Variants in CFAP54 observed in about 807,000 individuals in gnomAD.
CFAP54 encodes the protein cilia- and flagella-associated protein 54.
A neutral mutation model predicts 370.4 loss-of-function variants in CFAP54; 290 were observed. That is an observed-to-expected ratio of 0.78 (90% CI 0.71 to 0.86). The LOEUF is 0.86. Among genes scored for constraint, CFAP54 ranks in the 40% least tolerant of loss-of-function variants. The pLI, the probability that CFAP54 is intolerant of heterozygous loss-of-function variation, is 0.00. For synonymous variants in CFAP54, 1,206 were observed against 1,236.5 expected (o/e 0.98, Z 0.52); for missense variants, 3,399 against 3,528.7 (o/e 0.96, Z 0.93).
chr12:96,674,003 GCTCCATAGGGGAGATAA>G (rs1368504350), intron 39 of CFAP54, among the ~76,000 whole-genome samples: 6 of 152,316 alleles, frequency 3.9e-5, no homozygotes, highest in African/African-American at 1.4e-4. Context: ...TGCTTGTTAA[GCTCCATAGGGGAGATAA>G]CTCCATGGAT....
intron 35 of CFAP54, among the ~76,000 whole-genome samples, chr12:96,651,217 A>G (rs577816566): frequency 6.6e-6 from 1 of 152,062 alleles, no homozygotes; most frequent in African/African-American, 2.4e-5. Flanking sequence ...ATGTTTTTAT[A>G]TGTCTACTTT....
At position 96,658,219 on chromosome 12, in the gene CFAP54, A is replaced by T. The variant is rs748431175; in HGVS notation, c.5333A>T (p.Tyr1778Phe). ...TCTTTACCCCTGTCTAGTGAGAGGT[A>T]TACAGAACAAGTGACACCACTTCTG... is the stretch of plus-strand genomic sequence containing the variant. The part of the protein sequence containing the change: ...IQFNTVSHER[Y>F]TEQVTPLLVY... Residue 1778 changes from tyrosine (Y) to phenylalanine (F), a missense_variant, in exon 38 of 68, where the codon TAT (tyrosine) becomes TTT (phenylalanine). Coordinates refer to ENST00000524981, the MANE Select transcript of CFAP54 (RefSeq NM_001306084.2). 6.2e-7 allele frequency: 1 copy of T among 1,614,012 alleles called. No individual in the cohort carries two copies. Among genetic ancestry groups the T allele is most frequent in the East Asian group, 2.2e-5 (1 of 44,872 alleles).
chr12:96,650,750 C>T (rs1256976834), intron 35 of CFAP54, among the ~76,000 whole-genome samples: 1 of 152,106 alleles, frequency 6.6e-6, no homozygotes, highest in Non-Finnish European at 1.5e-5. Context: ...TTCTCATATG[C>T]CCCATGGAGT....
chr12:96,755,332 C>A (rs1291687488), intron 56 of CFAP54, among the ~76,000 whole-genome samples: 3 of 152,124 alleles, frequency 2.0e-5, no homozygotes, highest in Non-Finnish European at 4.4e-5. Context: ...ACTTCACATA[C>A]TTATCATTTT....
chr12:96,572,945 C>G, intron 19 of CFAP54: 1 of 985,334 alleles, frequency 1.0e-6, no homozygotes, highest in Non-Finnish European at 1.2e-6. Flanking sequence ...AGAATTAAGT[C>G]AGAAGGTGCT....
intron 36 of CFAP54, among the ~76,000 whole-genome samples, chr12:96,654,550 A>G (rs1282086354): frequency 6.6e-6 from 1 of 152,008 alleles, no homozygotes; most frequent in Non-Finnish European, 1.5e-5. Context: ...TGTTATATGC[A>G]TACAATGGGT....
chr12:96,558,649 A>G (rs756696244), intron 17 of CFAP54, among the ~76,000 whole-genome samples: 78 of 152,130 alleles, frequency 5.1e-4, no homozygotes, highest in Non-Finnish European at 9.9e-4. Flanking sequence ...TTTTCAATAA[A>G]TGATGGGAAA....
rs376477624 is a variant in CFAP54 at position 96,676,431 on chromosome 12, C to T, written c.5564-3169C>T. Among the ~76,000 whole-genome samples the T allele has an allele frequency of 5.3e-5, 8 of 152,282 alleles. No individual in the cohort carries two copies. In the East Asian group the frequency reaches 5.8e-4, roughly 11 times the overall value. On this transcript the variant is annotated intron_variant, in intron 39 of 67. Coordinates refer to ENST00000524981, the MANE Select transcript of CFAP54 (RefSeq NM_001306084.2). ...GGCTGAATATTTGTGGTCCCCCCCA[C>T]CTAAATGTTAAAATCCTCACCCCTA...
At chr12:96,676,567 A>G (rs56267506) in intron 39 of CFAP54, among the ~76,000 whole-genome samples, 37,497 of 151,844 alleles carry the variant, frequency 0.25, 4,789 homozygotes, top group South Asian at 0.29. Context: ...TTTTTTTGAG[A>G]TGGAGTTTCA....
chr12:96,543,210 G>T (rs548063297), intron 14 of CFAP54, among the ~76,000 whole-genome samples: 49 of 152,302 alleles, frequency 3.2e-4, no homozygotes, highest in African/African-American at 1.2e-3. Context: ...GTCTAGGTTG[G>T]TTCCCCAGAA....
At chr12:96,789,688 G>T (rs1268924068) in intron 62 of CFAP54, among the ~76,000 whole-genome samples, 1 of 152,118 alleles carries the variant, frequency 6.6e-6, no homozygotes, top group African/African-American at 2.4e-5. Context: ...TGAATACGTT[G>T]TAAATACAAG....
chr12:96,768,040 G>A (rs536986528), intron 60 of CFAP54, among the ~76,000 whole-genome samples: 33 of 152,084 alleles, frequency 2.2e-4, no homozygotes, highest in Middle Eastern at 3.4e-3. Context: ...TCATTTTTTG[G>A]CCAGGTGCAG....
intron 62 of CFAP54, among the ~76,000 whole-genome samples, chr12:96,790,114 G>A (rs1334041186): frequency 1.3e-5 from 2 of 152,110 alleles, no homozygotes; most frequent in Non-Finnish European, 1.5e-5. Context: ...TCGGAGCTTT[G>A]TGATGGAAAA....
chr12:96,781,374 T>G (rs1489796422), intron 60 of CFAP54, among the ~76,000 whole-genome samples: 1 of 152,158 alleles, frequency 6.6e-6, no homozygotes, highest in East Asian at 1.9e-4. Context: ...ACAATCCATT[T>G]GACCTTTGTG....
chr12:96,593,051 T>A (rs967386508), intron 24 of CFAP54, among the ~76,000 whole-genome samples: 2 of 152,156 alleles, frequency 1.3e-5, no homozygotes, highest in African/African-American at 4.8e-5. Flanking sequence ...ATTCTGCAAC[T>A]TGCCTTTTTA....
chr12:96,871,495 A>G (rs1227879363), intron 67 of CFAP54, among the ~76,000 whole-genome samples: 2 of 152,226 alleles, frequency 1.3e-5, no homozygotes, highest in Non-Finnish European at 2.9e-5. Flanking sequence ...CACAATGTAC[A>G]GTAAATAATT....
intron 32 of CFAP54, among the ~76,000 whole-genome samples, chr12:96,641,406 A>G (rs1362023171): frequency 2.6e-5 from 4 of 152,214 alleles, no homozygotes; most frequent in Admixed American, 6.5e-5. Context: ...TAGAATGGCG[A>G]TCATTAAAAA....
chr12:96,549,626 AT>A (rs1955674417), intron 15 of CFAP54, among the ~76,000 whole-genome samples: 1 of 152,346 alleles, frequency 6.6e-6, no homozygotes, highest in South Asian at 2.1e-4. Context: ...GGATTCTGAT[AT>A]TGACTATTTG....
At chr12:96,797,224 C>T (rs975878953) in intron 63 of CFAP54, among the ~76,000 whole-genome samples, 2 of 151,654 alleles carry the variant, frequency 1.3e-5, no homozygotes, top group Non-Finnish European at 2.9e-5. Flanking sequence ...TTTGTTGAAA[C>T]TCGATTTTTT....
Sources: gnomAD v4.1 joint callset for allele counts (sites outside exome capture counted in the v4.1 genomes callset) on GRCh38, gnomAD v4.1.1 for gene constraint, MANE v1.5 for transcripts, NCBI Gene and HGNC (gene_info 2026-07-23, HGNC 2026-07-21) for gene names.